Variants in ITFG2 observed in about 807,000 individuals in gnomAD.
The protein encoded by ITFG2 is KICSTOR complex protein ITFG2.
Under a neutral mutation model 54.4 loss-of-function variants are expected in ITFG2, and 36 were observed. The observed-to-expected ratio is 0.66, with a 90% CI of 0.51 to 0.87. The LOEUF (loss-of-function observed/expected upper bound fraction) is 0.87, where lower values mean the gene tolerates loss of function less well. Ranked by LOEUF, ITFG2 falls within the 40% of genes least tolerant of loss-of-function variation. The probability of loss-of-function intolerance (pLI) is 0.00; values close to 1 mark genes in which losing one functional copy is unlikely to be tolerated. For missense variants in ITFG2, 524 were observed against 576.7 expected (o/e 0.91, Z 0.94); for synonymous variants, 211 against 225.4 (o/e 0.94, Z 0.57).
upstream of ITFG2, chr12:2,834,954 C>A: frequency 6.3e-7 from 1 of 1,590,502 alleles, no homozygotes; most frequent in Non-Finnish European, 8.5e-7. Context: ...AGGGTCTCCA[C>A]GGGAGGGAAA....
At chr12:2,816,565 A>G (rs2097922319) in intron 1 of ITFG2, among the ~76,000 whole-genome samples, 1 of 149,522 alleles carries the variant, frequency 6.7e-6, no homozygotes. Flanking sequence ...TCCTGACCTC[A>G]TGATCCGCCC....
rs1438345536 is a variant in ITFG2, at chr12:2,822,658, A to C, written c.949-136A>C. ...CCTACTTCCTAGGGTGGCTGTGAGC[A>C]TTATGTGAGGTGGCTCATTTGACAG... On this transcript the variant is annotated intron_variant, in intron 9 of 11. Coordinates refer to ENST00000228799, the MANE Select transcript of ITFG2 (RefSeq NM_018463.4). The C allele has an allele frequency of 6.9e-6, 5 of 729,156 alleles. No individual in the cohort carries two copies. The East Asian group carries it at 1.2e-4, about 18-fold the overall frequency. 45.2% of individuals were successfully genotyped at this position (729,156 alleles called of 1,614,324 possible).
downstream of ITFG2, chr12:2,827,917 G>A (rs1295332603): frequency 1.2e-6 from 2 of 1,613,932 alleles, no homozygotes; most frequent in Middle Eastern, 1.7e-4. The surrounding 1 kb of genome is among the most constrained non-coding windows in gnomAD (Gnocchi z 4.0). Flanking sequence ...TGCAGAAGGG[G>A]GGACTTACCC....
At chr12:2,853,799 G>A (rs145194666) in intron 2 of ITFG2, among the ~76,000 whole-genome samples, 2 of 152,016 alleles carry the variant, frequency 1.3e-5, no homozygotes, top group African/African-American at 2.4e-5. Flanking sequence ...TGGCCGGGAG[G>A]GGGAGCTGCG....
In ITFG2 at chr12:2,823,868, A is replaced by G. The variant is rs1242611245; in HGVS notation, c.1165A>G (p.Met389Val). The G allele has an allele frequency of 6.2e-7, 1 of 1,613,542 alleles. No individual in the cohort carries two copies. The highest frequency in any genetic ancestry group is 2.2e-5 in the East Asian group (1 of 44,854). The change falls in exon 11 of 12, where the codon ATG becomes GTG. Residue 389 changes from methionine (M) to valine (V), a missense_variant. Physicochemically the swap from Met to Val is conservative, Grantham distance 21. Transcript: ENST00000228799. ...GTACTGGGAGGTGCAGCTGGAGCGG[A>G]TGGAGTCTACCAATCTGGTGAAACT... Reference protein sequence around the residue: ...YVYWEVQLERMESTNLVKLLE... With the variant: ...YVYWEVQLERVESTNLVKLLE...
Position 2,820,834 on chromosome 12 carries a change from G to C in ITFG2, c.657G>C (p.Gly219=). The part of the protein sequence containing the change: ...ILLCTWKKDT[G]SPPASEGPTD... The stretch of plus-strand genomic sequence containing the variant: ...TGTGTACCTGGAAAAAGGACACTGG[G>C]TCCCCTCCTGCCTCTGAAGGGCCCA... The change falls in exon 6 of 12, where the codon GGG becomes GGC. Residue 219 remains glycine (G), a synonymous_variant. Coordinates refer to ENST00000228799, the MANE Select transcript of ITFG2 (RefSeq NM_018463.4). 1 of 1,614,034 alleles carries C rather than the reference G, an allele frequency of 6.2e-7. No homozygotes were observed. Among genetic ancestry groups the C allele is most frequent in the Non-Finnish European group, 8.5e-7 (1 of 1,179,970 alleles).
At chr12:2,843,416 T>G (rs1424539649) in intron 2 of ITFG2, among the ~76,000 whole-genome samples, 4 of 152,206 alleles carry the variant, frequency 2.6e-5, no homozygotes, top group Non-Finnish European at 1.5e-5. Flanking sequence ...TTTTCCTGTT[T>G]CATGGATGGC....
upstream of ITFG2, chr12:2,834,892 CTG>C (rs765656341): frequency 1.9e-6 from 3 of 1,613,946 alleles, no homozygotes; most frequent in African/African-American, 4.0e-5. Flanking sequence ...CGAGTCCTCT[CTG>C]CTTCTTCCTG....
upstream of ITFG2, among the ~76,000 whole-genome samples, chr12:2,833,928 G>A (rs967586375): frequency 7.2e-5 from 11 of 152,198 alleles, no homozygotes; most frequent in Admixed American, 5.2e-4. Context: ...GATCCCAAGC[G>A]AAGTGGCTGC....
chr12:2,828,430 C>G (rs544990134), downstream of ITFG2: 1 of 1,607,118 alleles, frequency 6.2e-7, no homozygotes, highest in Non-Finnish European at 8.5e-7. Flanking sequence ...AAAGAAGAAT[C>G]GTGGTGAATC....
chr12:2,820,209 G>A lies in ITFG2; in HGVS notation c.530G>A (p.Trp177Ter). 1 of 1,606,026 alleles carries A rather than the reference G, an allele frequency of 6.2e-7. No individual in the cohort carries two copies. Among genetic ancestry groups the A allele is most frequent in the Non-Finnish European group, 8.5e-7 (1 of 1,176,264 alleles). ...LTGQLVSLKK[W>*]MLEGQVDSLS... ...GGGCAGCTGGTGTCCCTCAAGAAAT[G>A]GATGCTGGAGGGTCAGGTAAGAAGC... The change falls in exon 5 of 12, where the codon TGG becomes TAG. Residue 177 changes from tryptophan (W) to a stop codon, truncating the protein, a stop_gained. Coordinates refer to ENST00000228799, the MANE Select transcript of ITFG2 (RefSeq NM_018463.4). LOFTEE classifies it high-confidence loss of function.
In ITFG2 at chr12:2,817,331, T is replaced by C; in HGVS notation, c.192+13T>C. On this transcript the variant is annotated intron_variant, in intron 2 of 11. Coordinates refer to ENST00000228799, the MANE Select transcript of ITFG2 (RefSeq NM_018463.4). ...CTGCCAGGGAATGGTCAGTATTCAC[T>C]TCCCTGGGCCTGGAGGGGGGAAGGG... 1 of 1,593,228 alleles carries C rather than the reference T, an allele frequency of 6.3e-7. No homozygotes were observed. The highest frequency in any genetic ancestry group is 8.6e-7 in the Non-Finnish European group (1 of 1,162,266).
At chr12:2,838,960 C>T (rs183538933) in intron 1 of ITFG2, among the ~76,000 whole-genome samples, 1 of 152,002 alleles carries the variant, frequency 6.6e-6, no homozygotes, top group East Asian at 1.9e-4. Flanking sequence ...TCAGTCTCCT[C>T]CCCTCATAAC....
chr12:2,858,013 A>T (rs991470835), exon 3 of ITFG2: 1 of 152,798 alleles, frequency 6.5e-6, no homozygotes, highest in African/African-American at 2.4e-5. Context: ...TTCTTGCAGG[A>T]AAGCTGACTT....
chr12:2,854,744 C>T (rs777490449), intron 2 of ITFG2, among the ~76,000 whole-genome samples: 9 of 152,110 alleles, frequency 5.9e-5, no homozygotes, highest in African/African-American at 1.2e-4. Flanking sequence ...GTCTCCACCT[C>T]GTCCTTCCAG....
intron 2 of ITFG2, among the ~76,000 whole-genome samples, chr12:2,854,415 C>G (rs2098080889): frequency 6.6e-6 from 1 of 152,234 alleles, no homozygotes; most frequent in Non-Finnish European, 1.5e-5. Context: ...CTCCCCCCTT[C>G]ATCGGTGAGG....
chr12:2,836,886 C>G (rs2098029348), exon 1 of ITFG2: 1 of 152,202 alleles, frequency 6.6e-6, no homozygotes, highest in African/African-American at 2.4e-5. Context: ...TGGAACAGAC[C>G]CTGCCTTACA....
At chr12:2,828,348 A>G (rs2097980759), downstream of ITFG2, 1 of 1,614,052 alleles carries the variant, frequency 6.2e-7, no homozygotes, top group Admixed American at 1.7e-5. Flanking sequence ...CGGCTGAGAC[A>G]TCCAGCAGAG....
intron 2 of ITFG2, among the ~76,000 whole-genome samples, chr12:2,855,931 C>T (rs1359022777): frequency 2.6e-5 from 4 of 152,082 alleles, no homozygotes; most frequent in Admixed American, 6.6e-5. Context: ...TTTTCCCATC[C>T]CAGACTCCTC....
Sources: allele counts gnomAD v4.1 joint callset (sites outside exome capture counted in the v4.1 genomes callset), GRCh38; gene constraint gnomAD v4.1.1; non-coding constraint Gnocchi (gnomAD v3.1); transcripts MANE v1.5; gene names NCBI Gene and HGNC (gene_info 2026-07-23, HGNC 2026-07-21).